VPS13D: variants seen among roughly 807,000 people sequenced by gnomAD.
The protein encoded by VPS13D is vacuolar protein sorting 13 homolog D.
VPS13D carries 187 observed loss-of-function variants against 461.9 expected under a neutral mutation model. The ratio of observed to expected loss-of-function variants is 0.40; its 90% CI spans 0.36 to 0.46. The LOEUF (loss-of-function observed/expected upper bound fraction) is 0.46. VPS13D is among the 20% of genes least tolerant of loss of function. The pLI, the probability that VPS13D is intolerant of heterozygous loss-of-function variation, is 0.60. For synonymous variants in VPS13D, 1,951 were observed against 1,986.3 expected (o/e 0.98, Z 0.47); for missense variants, 4,711 against 5,364.9 (o/e 0.88, Z 3.81).
intron 44 of VPS13D, among the ~76,000 whole-genome samples, chr1:12,347,888 T>C (rs1228835136): frequency 6.6e-6 from 1 of 152,234 alleles, no homozygotes; most frequent in Non-Finnish European, 1.5e-5. Context: ...GCACAAAATG[T>C]GTGTTGAATG....
intron 67 of VPS13D, among the ~76,000 whole-genome samples, chr1:12,486,661 C>G (rs1226461389): frequency 6.6e-6 from 1 of 152,224 alleles, no homozygotes; most frequent in Non-Finnish European, 1.5e-5. Context: ...GAATGATCAG[C>G]ATTCCTGTAC....
rs774569003 is a variant in VPS13D, at chr1:12,291,135, C to T, written c.5852+11C>T. 1.2e-6 allele frequency: 2 copies of T among 1,607,366 alleles called. No homozygotes were observed. The highest frequency in any genetic ancestry group is 1.3e-5 in the African/African-American group (1 of 74,534). The stretch of plus-strand genomic sequence containing the variant: ...CTTCCAGACTTTTAAGTAAAAATGT[C>T]AATCTTTTTCTGACTTGATATTTTA... On this transcript the variant is annotated intron_variant, in intron 23 of 69. Transcript: ENST00000620676.
intron 61 of VPS13D, among the ~76,000 whole-genome samples, chr1:12,400,958 G>GCACACACACACACACACACA (rs752200366): frequency 2.5e-5 from 2 of 80,438 alleles, no homozygotes; most frequent in African/African-American, 4.9e-5. Flanking sequence ...GCACCTGCGC[G>GCACACACACACACACACACA]CGCGCACACA....
chr1:12,374,271 T>C lies in VPS13D; in HGVS notation c.10917+413T>C, dbSNP rs191874842. 1.1e-4 allele frequency among the ~76,000 whole-genome samples: 17 copies of C among 152,338 alleles called. No individual in the cohort carries two copies. In the East Asian group the frequency reaches 2.5e-3, roughly 22 times the overall value. On this transcript the variant is annotated intron_variant, in intron 55 of 69. Coordinates refer to ENST00000620676, the MANE Select transcript of VPS13D (RefSeq NM_015378.4). ...GTAAATAGGTAATAAAAGAGTTACA[T>C]TGACATTGAAAATTAGGTTAAAGTG... is the stretch of plus-strand genomic sequence containing the variant.
At position 12,316,519 on chromosome 1, in the gene VPS13D, A is replaced by G. The variant is rs536848918; in HGVS notation, c.7149-1553A>G. ...ATCTATGTTCAAAATGGGGTGGAAA[A>G]ATTTTACTGAGGGCAACATTTTTTC... On this transcript the variant is annotated intron_variant, in intron 30 of 69. Coordinates refer to ENST00000620676, the MANE Select transcript of VPS13D (RefSeq NM_015378.4). Among the ~76,000 whole-genome samples the G allele has an allele frequency of 9.6e-4, 146 of 152,256 alleles. 2 individuals carry two copies. In the South Asian group the frequency reaches 0.011, roughly 11 times the overall value.
chr1:12,374,769 G>T, intron 55 of VPS13D, among the ~76,000 whole-genome samples: 1 of 152,118 alleles, frequency 6.6e-6, no homozygotes, highest in East Asian at 1.9e-4. Context: ...ATGGAGTCTT[G>T]CTCTGTTGCC....
chr1:12,270,888 T>C, intron 16 of VPS13D, 106 bp from the exon 17 acceptor site: 1 of 1,462,116 alleles, frequency 6.8e-7, no homozygotes, highest in Non-Finnish European at 9.3e-7. Flanking sequence ...CCTGATTTTT[T>C]TTTTTTTAAG....
intron 46 of VPS13D, 84 bp downstream of exon 46, chr1:12,349,458 C>T: frequency 8.1e-7 from 1 of 1,240,116 alleles, no homozygotes; most frequent in Non-Finnish European, 1.1e-6. Flanking sequence ...TCTCTAAAGA[C>T]CCTTAGAGAT....
At chr1:12,261,756 A>T in intron 12 of VPS13D, 145 bp from the exon 13 acceptor site, 2 of 665,874 alleles carry the variant, frequency 3.0e-6, no homozygotes, top group East Asian at 2.7e-5. Flanking sequence ...AATATTATAA[A>T]ATAGTCACCC....
chr1:12,321,885 T>C lies in VPS13D; in HGVS notation c.7625T>C (p.Leu2542Ser), dbSNP rs1295668004. ...IVDPVQIQME[L>S]VGNSSYQNSS... ...GATCCCGTACAAATTCAAATGGAGT[T>C]GGTGGGGAATTCTTCTTATCAAAAT... The change falls in exon 33 of 70, where the codon TTG becomes TCG. Residue 2542 changes from leucine (L) to serine (S), a missense_variant. Leu to Ser is a moderately radical substitution (Grantham distance 145). Coordinates refer to ENST00000620676, the MANE Select transcript of VPS13D (RefSeq NM_015378.4). 1 of 1,613,670 alleles carries C rather than the reference T, an allele frequency of 6.2e-7. No individual in the cohort carries two copies. Among genetic ancestry groups the C allele is most frequent in the Non-Finnish European group, 8.5e-7 (1 of 1,179,922 alleles).
chr1:12,503,972 C>G (rs548426599), intron 68 of VPS13D, among the ~76,000 whole-genome samples: 1 of 152,190 alleles, frequency 6.6e-6, no homozygotes, highest in African/African-American at 2.4e-5. Flanking sequence ...GAAGAAGGTG[C>G]AGCTTGGCAG....
At position 12,260,974 on chromosome 1, in the gene VPS13D, T is replaced by C; in HGVS notation, c.1239T>C (p.Ser413=). Residue 413 remains serine, a synonymous_variant, in exon 12 of 70, where the codon TCT becomes TCC. Coordinates refer to ENST00000620676, the MANE Select transcript of VPS13D (RefSeq NM_015378.4). The part of the protein sequence containing the change: ...AESLREPQFD[S]PGACPGAPEP... Reference sequence around the variant, plus strand: ...GTCTGCGGGAGCCTCAGTTTGATTCTCCAGGAGCCTGTCCGGGAGCCCCAG... The same window carrying C: ...GTCTGCGGGAGCCTCAGTTTGATTCCCCAGGAGCCTGTCCGGGAGCCCCAG... 6.2e-7 allele frequency: 1 copy of C among 1,613,804 alleles called. No homozygotes were observed. Among genetic ancestry groups the C allele is most frequent in the Admixed American group, 1.7e-5 (1 of 60,018 alleles).
intron 63 of VPS13D, 134 bp downstream of exon 63, chr1:12,404,107 AT>A: frequency 1.9e-6 from 1 of 518,426 alleles, no homozygotes; most frequent in Non-Finnish European, 2.8e-6. Context: ...CATAGCAGAC[AT>A]TTTATTTTTA....
At chr1:12,379,771 ATTT>A (rs368778602) in intron 57 of VPS13D, among the ~76,000 whole-genome samples, 175 bp downstream of exon 57, 3 of 142,626 alleles carry the variant, frequency 2.1e-5, no homozygotes, top group Non-Finnish European at 3.1e-5. Flanking sequence ...GCATTTGTGT[ATTT>A]TTTTTTTTTT....
intron 68 of VPS13D, among the ~76,000 whole-genome samples, chr1:12,503,599 G>A (rs1164970492): frequency 6.6e-6 from 1 of 152,230 alleles, no homozygotes; most frequent in African/African-American, 2.4e-5. Context: ...ATACTGAGGT[G>A]ACTTCTCTAG....
At chr1:12,482,539 C>G (rs533796431) in intron 67 of VPS13D, among the ~76,000 whole-genome samples, 15 of 152,240 alleles carry the variant, frequency 9.9e-5, no homozygotes, top group African/African-American at 3.6e-4. Flanking sequence ...TATATGATTT[C>G]TTAGAGTGTA....
At chr1:12,306,620 G>A (rs901859335) in intron 26 of VPS13D, among the ~76,000 whole-genome samples, 1 of 152,122 alleles carries the variant, frequency 6.6e-6, no homozygotes, top group African/African-American at 2.4e-5. Context: ...CACTATTAAT[G>A]ATACATTGTC....
intron 65 of VPS13D, among the ~76,000 whole-genome samples, chr1:12,423,901 G>A (rs1240388495): frequency 2.0e-5 from 3 of 152,298 alleles, no homozygotes; most frequent in African/African-American, 7.2e-5. Context: ...TTTATTCAAG[G>A]TGAAAATTTT....
At chr1:12,429,828 C>T (rs1644969588) in intron 65 of VPS13D, among the ~76,000 whole-genome samples, 1 of 152,118 alleles carries the variant, frequency 6.6e-6, no homozygotes, top group Non-Finnish European at 1.5e-5. Flanking sequence ...ATTGATTGGA[C>T]CCAGGCTTCG....
Sources: allele counts gnomAD v4.1 joint callset (sites outside exome capture counted in the v4.1 genomes callset), GRCh38; gene constraint gnomAD v4.1.1; transcripts MANE v1.5; gene names NCBI Gene and HGNC (gene_info 2026-07-23, HGNC 2026-07-21).